RSPH14: variants seen among roughly 807,000 people sequenced by gnomAD.
The protein encoded by RSPH14 is rhabdoid tumor deletion region gene 1.
In RSPH14, 20 loss-of-function variants were observed where a neutral mutation model predicts 26.7. The observed-to-expected ratio is 0.75, with a 90% CI of 0.53 to 1.09. RSPH14 has a LOEUF of 1.09. Ranked by LOEUF, RSPH14 falls within the 50% of genes least tolerant of loss-of-function variation. The pLI is 0.00. For missense variants in RSPH14, 449 were observed against 457.2 expected (o/e 0.98, Z 0.16); for synonymous variants, 177 against 189.3 (o/e 0.93, Z 0.53).
chr22:23,087,337 G>A (rs1013064265), intron 4 of RSPH14, among the ~76,000 whole-genome samples: 22 of 152,140 alleles, frequency 1.4e-4, no homozygotes, highest in Non-Finnish European at 2.1e-4. Flanking sequence ...GTGGTGGCGC[G>A]TGCCTGCAGT....
the RSPH14 span, among the ~76,000 whole-genome samples, chr22:23,152,100 G>A: frequency 0.013 from 1,957 of 152,308 alleles, 32 homozygotes; most frequent in African/African-American, 0.044. Flanking sequence ...CACAGCTCCC[G>A]GACAGCACAG....
At chr22:23,132,623 A>C (rs1227808907) in intron 4 of RSPH14, 1 of 122,198 alleles carries the variant, frequency 8.2e-6, no homozygotes, top group African/African-American at 2.7e-5. Flanking sequence ...AGCTAAAATA[A>C]AAAGACAGAA....
At chr22:23,063,452 G>A (rs938042368) in intron 5 of RSPH14, among the ~76,000 whole-genome samples, 2 of 152,350 alleles carry the variant, frequency 1.3e-5, no homozygotes, top group South Asian at 2.1e-4. Flanking sequence ...AGGCCAGGAT[G>A]TAGACTGTGA....
chr22:23,145,674 G>A, upstream of RSPH14: 1 of 1,169,270 alleles, frequency 8.6e-7, no homozygotes, highest in Non-Finnish European at 1.2e-6. Context: ...TAACTTGAAA[G>A]CGGCCTGCGG....
At chr22:23,150,027 G>A in the RSPH14 span, 10 of 1,521,788 alleles carry the variant, frequency 6.6e-6, no homozygotes, top group African/African-American at 1.4e-5. Flanking sequence ...CCACAGCTTT[G>A]CAGGATGATG....
chr22:23,133,576 G>A lies in RSPH14; in HGVS notation c.421+450C>T, dbSNP rs150387965. 7.4e-3 allele frequency among the ~76,000 whole-genome samples: 1,128 copies of A among 152,092 alleles called. 14 individuals are homozygous for A. The highest frequency in any genetic ancestry group is 0.026 in the African/African-American group (1,079 of 41,492). On this transcript the variant is annotated intron_variant, in intron 4 of 6. Transcript: ENST00000216036. ...GACCAAATGTTCGTTTAGGATATGC[G>A]CTTTTCTTTTTTCTTTCTTTTTTTT...
At chr22:23,137,990 T>C (rs1336338956) in intron 3 of RSPH14, 1 of 152,308 alleles carries the variant, frequency 6.6e-6, no homozygotes, top group Non-Finnish European at 1.5e-5. Context: ...AAATACTCTA[T>C]AAAATTTTTT....
intron 4 of RSPH14, among the ~76,000 whole-genome samples, chr22:23,119,477 G>C (rs1856957220): frequency 6.6e-6 from 1 of 152,328 alleles, no homozygotes; most frequent in Admixed American, 6.5e-5. Flanking sequence ...CTCTGGTCTA[G>C]GAACAAACCC....
the RSPH14 span, chr22:23,180,264 C>A: frequency 5.1e-6 from 1 of 196,432 alleles, no homozygotes; most frequent in Non-Finnish European, 1.0e-5. Context: ...CTTTATGGAC[C>A]AGGGAGTCCG....
At chr22:23,143,918 C>T (rs922231986), upstream of RSPH14, among the ~76,000 whole-genome samples, 1 of 151,916 alleles carries the variant, frequency 6.6e-6, no homozygotes, top group African/African-American at 2.4e-5. Context: ...TGGCAAAACC[C>T]CATCTCTACT....
intron 4 of RSPH14, among the ~76,000 whole-genome samples, chr22:23,130,107 GAAAGAAAGAAAGAAAGAAAGAAAGAA>G (rs2070301478): frequency 2.3e-5 from 2 of 86,072 alleles, no homozygotes; most frequent in Non-Finnish European, 5.1e-5. Flanking sequence ...AAGAAAGAAA[GAAAGAAAGAAAGAAAGAAAGAAAGAA>G]AGAAAGAAAG....
At position 23,064,056 on chromosome 22, in the gene RSPH14, ACTC is replaced by A; in HGVS notation, c.496_498del (p.Glu166del). 2 of 1,613,306 alleles carry A rather than the reference ACTC, an allele frequency of 1.2e-6. No individual in the cohort carries two copies. The highest frequency in any genetic ancestry group is 1.7e-6 in the Non-Finnish European group (2 of 1,179,692). On this transcript the variant is annotated inframe_deletion, in exon 5 of 7. Coordinates refer to ENST00000216036, the MANE Select transcript of RSPH14 (RefSeq NM_014433.3). ...AGTGTGTCCAGGATGAACTCCTGGA[ACTC>A]CTCCTCCTCCACCTCCACCTGCAGC...
At chr22:23,178,650 A>G in the RSPH14 span, among the ~76,000 whole-genome samples, 1 of 152,328 alleles carries the variant, frequency 6.6e-6, no homozygotes, top group South Asian at 2.1e-4. Flanking sequence ...CGCACCGCCC[A>G]CCCAGCCTAG....
upstream of RSPH14, among the ~76,000 whole-genome samples, chr22:23,149,386 G>C (rs1304581744): frequency 1.3e-5 from 2 of 152,120 alleles, no homozygotes; most frequent in Non-Finnish European, 2.9e-5. Context: ...GGGTGGGTGG[G>C]GTACGTGCAG....
At chr22:23,161,057 T>C in the RSPH14 span, 49 of 1,540,112 alleles carry the variant, frequency 3.2e-5, 1 homozygote, top group South Asian at 5.3e-4. Flanking sequence ...AAAATCCACA[T>C]GCGCCATCCT....
chr22:23,106,623 C>G (rs574438159), intron 4 of RSPH14, among the ~76,000 whole-genome samples: 1 of 152,338 alleles, frequency 6.6e-6, no homozygotes, highest in Admixed American at 6.5e-5. Context: ...ACTCTGAAGG[C>G]TCAGGCTGTA....
At chr22:23,105,732 CTGTT>C (rs1353016001) in intron 4 of RSPH14, among the ~76,000 whole-genome samples, 12 of 152,238 alleles carry the variant, frequency 7.9e-5, no homozygotes, top group Non-Finnish European at 1.5e-4. Context: ...CTGTATCATG[CTGTT>C]TGTTAATTTC....
chr22:23,116,373 C>T (rs759664023), intron 4 of RSPH14, among the ~76,000 whole-genome samples: 1 of 152,234 alleles, frequency 6.6e-6, no homozygotes, highest in Non-Finnish European at 1.5e-5. Context: ...GAGGGGATGA[C>T]GTGGCTACGC....
the RSPH14 span, chr22:23,150,063 T>G: frequency 1.2e-6 from 2 of 1,605,944 alleles, no homozygotes; most frequent in Non-Finnish European, 1.7e-6. Flanking sequence ...CTCTTTGCAG[T>G]GGTACACGCC....
Sources: allele counts gnomAD v4.1 joint callset (sites outside exome capture counted in the v4.1 genomes callset), GRCh38; gene constraint gnomAD v4.1.1; transcripts MANE v1.5; gene names NCBI Gene and HGNC (gene_info 2026-07-23, HGNC 2026-07-21).